Variants in CENPV observed in about 807,000 individuals in gnomAD.
CENPV encodes nuclear protein p30.
A neutral mutation model predicts 26.4 loss-of-function variants in CENPV; 15 were observed. The observed-to-expected ratio is 0.57, with a 90% CI of 0.38 to 0.88. CENPV has a LOEUF of 0.88. Among genes scored for constraint, CENPV ranks in the 40% least tolerant of loss-of-function variants. CENPV has a pLI of 0.00. For synonymous variants in CENPV, 172 were observed against 165.5 expected (o/e 1.04, Z -0.30); for missense variants, 336 against 376.5 (o/e 0.89, Z 0.89).
At position 16,342,724 on chromosome 17, in the gene CENPV, A is replaced by G; in HGVS notation, c.*93T>C. 1 of 1,493,820 alleles carries G rather than the reference A, an allele frequency of 6.7e-7. No individual in the cohort carries two copies. The highest frequency in any genetic ancestry group is 9.3e-7 in the Non-Finnish European group (1 of 1,079,148). The allele number at this position is 1,493,820 out of a possible 1,614,324, so 92.5% of individuals were successfully genotyped here. A position where few individuals can be genotyped will look rare whatever the true frequency, so the allele number is the denominator to read the frequency against. On this transcript the variant is annotated 3_prime_UTR_variant, in exon 5 of 5. Coordinates refer to ENST00000299736, the MANE Select transcript of CENPV (RefSeq NM_181716.3). ...GTCAACGGAACCAGCAGCCCAGGTCAGCCACATTCAGGAGCACCACCGAGG... is the reference window on the plus strand; with the variant it reads ...GTCAACGGAACCAGCAGCCCAGGTCGGCCACATTCAGGAGCACCACCGAGG...
In CENPV at chr17:16,348,795, G is replaced by C. The variant is rs2286665; in HGVS notation, c.510-110C>G. On this transcript the variant is annotated intron_variant, in intron 2 of 4. Transcript: ENST00000299736. ...GACCCCACAGATGATGCCCCTTTCA[G>C]CACCATCCAGGGCCGAGGAGCTGGG... is the stretch of plus-strand genomic sequence containing the variant. The C allele has an allele frequency of 9.4e-5, 145 of 1,545,152 alleles. 1 individual carries two copies. In the East Asian group the frequency reaches 3.4e-3, roughly 36 times the overall value.
intron 1 of CENPV, chr17:16,350,913 T>C (rs1278487233): frequency 2.0e-5 from 3 of 152,130 alleles, no homozygotes; most frequent in Admixed American, 6.6e-5. Flanking sequence ...GCGTTTTACA[T>C]AGTTGTAATA....
At chr17:16,348,948 C>A in intron 2 of CENPV, 1 of 1,199,470 alleles carries the variant, frequency 8.3e-7, no homozygotes. Context: ...ACTGCCCACC[C>A]CTCAGTTCTT....
intron 3 of CENPV, 45 bp downstream of exon 3, chr17:16,348,571 C>T (rs1480819095): frequency 1.2e-6 from 2 of 1,611,548 alleles, no homozygotes; most frequent in Non-Finnish European, 1.7e-6. Flanking sequence ...CTGTAAATCT[C>T]ACCAATGGGT....
At chr17:16,348,447 G>A in intron 3 of CENPV, 169 bp downstream of exon 3, 1 of 1,438,606 alleles carries the variant, frequency 7.0e-7, no homozygotes, top group Non-Finnish European at 9.2e-7. Flanking sequence ...GTGAGCCACT[G>A]TGCCGGGCCC....
intron 1 of CENPV, 126 bp downstream of exon 1, chr17:16,352,901 G>T: frequency 7.7e-7 from 1 of 1,306,688 alleles, no homozygotes; most frequent in Non-Finnish European, 9.8e-7. Context: ...AGCCGCGTCG[G>T]CTCCGTAACG....
At chr17:16,346,861 G>T (rs1240173087) in intron 3 of CENPV, among the ~76,000 whole-genome samples, 9 of 145,886 alleles carry the variant, frequency 6.2e-5, no homozygotes, top group African/African-American at 2.3e-4. Context: ...GTTTTGTTTT[G>T]TTTTTTTGAG....
At chr17:16,348,780 A>G in intron 2 of CENPV, 95 bp from the exon 3 acceptor site, 1 of 1,577,176 alleles carries the variant, frequency 6.3e-7, no homozygotes, top group Admixed American at 1.8e-5. Flanking sequence ...GACCCCACAG[A>G]TGATGCCCCT....
chr17:16,343,062 A>G (rs2093189334), intron 4 of CENPV, 121 bp from the exon 5 acceptor site: 1 of 1,128,830 alleles, frequency 8.9e-7, no homozygotes, highest in East Asian at 2.6e-5. Context: ...GGGCTTCCAA[A>G]GGATATGCCA....
chr17:16,349,455 C>A (rs2093220558), intron 2 of CENPV: 1 of 986,212 alleles, frequency 1.0e-6, no homozygotes, highest in Non-Finnish European at 1.2e-6. Context: ...CAAATCAGGC[C>A]CTCCACAGCC....
intron 1 of CENPV, 141 bp downstream of exon 1, chr17:16,352,886 G>A (rs1489132844): frequency 1.6e-6 from 2 of 1,227,136 alleles, no homozygotes; most frequent in South Asian, 1.9e-5. Context: ...CAGTGCTAAC[G>A]GGGGAGCCGC....
intron 2 of CENPV, 71 bp downstream of exon 2, chr17:16,349,860 G>A (rs1600907830): frequency 1.9e-6 from 3 of 1,580,598 alleles, no homozygotes; most frequent in East Asian, 4.5e-5. Context: ...CAACTCCCCA[G>A]ATTATTTTGA....
At chr17:16,349,691 C>T (rs1366006762) in intron 2 of CENPV, 31 of 1,260,016 alleles carry the variant, frequency 2.5e-5, no homozygotes, top group African/African-American at 3.1e-5. Context: ...TGCCACAAGC[C>T]ACAAGCCCTG....
At chr17:16,349,650 C>G in intron 2 of CENPV, 1 of 1,173,716 alleles carries the variant, frequency 8.5e-7, no homozygotes, top group Non-Finnish European at 1.1e-6. Flanking sequence ...CCGCCCCCGG[C>G]TCCTCAGCAG....
At chr17:16,351,924 TGATG>T (rs1278370981) in intron 1 of CENPV, 1 of 152,312 alleles carries the variant, frequency 6.6e-6, no homozygotes, top group African/African-American at 2.4e-5. Flanking sequence ...CTCAAATGTT[TGATG>T]GATGAACGTT....
intron 3 of CENPV, chr17:16,347,402 A>G (rs545280390): frequency 6.6e-6 from 1 of 152,312 alleles, no homozygotes; most frequent in African/African-American, 2.4e-5. Flanking sequence ...AGTGGTCCCA[A>G]GCCATCCAGC....
At chr17:16,349,641 C>T (rs903287068) in intron 2 of CENPV, 47 of 1,145,802 alleles carry the variant, frequency 4.1e-5, no homozygotes, top group African/African-American at 1.6e-4. Flanking sequence ...TGCAGCTAAC[C>T]GCCCCCGGCT....
chr17:16,348,436 C>A (rs1388903812), intron 3 of CENPV, 180 bp downstream of exon 3: 2 of 1,382,754 alleles, frequency 1.4e-6, no homozygotes, highest in Non-Finnish European at 1.9e-6. Context: ...GGATTACAGG[C>A]GTGAGCCACT....
chr17:16,345,015 C>G (rs2093199482), intron 3 of CENPV, among the ~76,000 whole-genome samples: 1 of 152,050 alleles, frequency 6.6e-6, no homozygotes, highest in Non-Finnish European at 1.5e-5. Flanking sequence ...TCATGATTCA[C>G]CCACCTTGGC....
Sources: gnomAD v4.1 joint callset for allele counts (sites outside exome capture counted in the v4.1 genomes callset) on GRCh38, gnomAD v4.1.1 for gene constraint, MANE v1.5 for transcripts, NCBI Gene and HGNC (gene_info 2026-07-23, HGNC 2026-07-21) for gene names.